Variants in EFNA4 observed in about 807,000 individuals in gnomAD.
EFNA4 encodes ephrin-A4.
In EFNA4, 22 loss-of-function variants were observed where a neutral mutation model predicts 23.7. That is an observed-to-expected ratio of 0.93 (90% CI 0.66 to 1.32). EFNA4 has a LOEUF of 1.32. Ranked by LOEUF, EFNA4 falls within the 40% of genes most tolerant of loss-of-function variation. EFNA4 has a pLI of 0.00. For synonymous variants in EFNA4, 113 were observed against 108.3 expected (o/e 1.04, Z -0.27); for missense variants, 252 against 252.3 (o/e 1.00, Z 0.01).
chr1:155,066,739 A>G lies in EFNA4; in HGVS notation c.123A>G (p.Arg41=), dbSNP rs1663054383. The part of the protein sequence containing the change: ...YWNSSNPRLL[R]GDAVVELGLN... ...TGCGTTATGCCTGCAGGTTGCTTCG[A>G]GGAGACGCCGTGGTGGAGCTGGGCC... The change falls in exon 2 of 4, where the codon CGA becomes CGG. Residue 41 remains arginine (R), a synonymous_variant. Coordinates refer to ENST00000368409, the MANE Select transcript of EFNA4 (RefSeq NM_005227.3). 6.3e-7 allele frequency: 1 copy of G among 1,595,342 alleles called. No homozygotes were observed. The highest frequency in any genetic ancestry group is 8.5e-7 in the Non-Finnish European group (1 of 1,172,108).
chr1:155,069,231 C>T lies in EFNA4; in HGVS notation c.*242C>T, dbSNP rs1663125260. ...AGCAGAGGCAAGACAAACACAGGCG[C>T]TTTGCAGGCTGCTCTGAGGGTCTCA... On this transcript the variant is annotated 3_prime_UTR_variant, in exon 4 of 4. Transcript: ENST00000368409. 6 of 1,521,202 alleles carry T rather than the reference C, an allele frequency of 3.9e-6. No homozygotes were observed. The highest frequency in any genetic ancestry group is 5.3e-6 in the Non-Finnish European group (6 of 1,141,312). The allele number at this position is 1,521,202 out of a possible 1,614,324, so 94.2% of individuals were successfully genotyped here. A position where few individuals can be genotyped will look rare whatever the true frequency, so the allele number is the denominator to read the frequency against.
chr1:155,067,295 G>C lies in EFNA4; in HGVS notation c.401-77G>C, dbSNP rs889736759. On this transcript the variant is annotated intron_variant, in intron 2 of 3. Coordinates refer to ENST00000368409, the MANE Select transcript of EFNA4 (RefSeq NM_005227.3). ...AGGGACCTGGAGAGAAGAAAACCTGGGAGGGTCTGAAACAGTCTGAGGCAT... is the reference window on the plus strand; with the variant it reads ...AGGGACCTGGAGAGAAGAAAACCTGCGAGGGTCTGAAACAGTCTGAGGCAT... The C allele has an allele frequency of 1.0e-5, 16 of 1,542,036 alleles. No individual in the cohort carries two copies. The Admixed American group carries it at 2.2e-4, about 21-fold the overall frequency.
chr1:155,064,809 G>A (rs913074943), intron 1 of EFNA4, among the ~76,000 whole-genome samples: 2 of 152,182 alleles, frequency 1.3e-5, no homozygotes, highest in South Asian at 2.1e-4. Context: ...GTGTGTGCCC[G>A]GCCCTGTGCT....
intron 3 of EFNA4, among the ~76,000 whole-genome samples, 174 bp downstream of exon 3, chr1:155,067,614 A>C (rs893258874): frequency 6.6e-6 from 1 of 151,862 alleles, no homozygotes; most frequent in Non-Finnish European, 1.5e-5. Flanking sequence ...TCCTCTCCCC[A>C]CTTCTGTTTT....
intron 3 of EFNA4, 101 bp downstream of exon 3, chr1:155,067,541 G>C: frequency 7.4e-7 from 1 of 1,354,736 alleles, no homozygotes; most frequent in Non-Finnish European, 1.0e-6. Flanking sequence ...CAGGGGTCCT[G>C]GTGAAGCTTC....
intron 1 of EFNA4, among the ~76,000 whole-genome samples, chr1:155,064,486 G>T (rs539234904): frequency 2.0e-5 from 3 of 152,276 alleles, no homozygotes; most frequent in Admixed American, 6.5e-5. Flanking sequence ...GGCAAGTCTC[G>T]TGACCTTCCT....
intron 3 of EFNA4, among the ~76,000 whole-genome samples, chr1:155,068,427 A>ATTTTGTTTTT (rs1663102475): frequency 3.9e-5 from 1 of 25,372 alleles, no homozygotes; most frequent in African/African-American, 2.0e-4. Context: ...CACCCAGCTG[A>ATTTTGTTTTT]TTTTTTTTTT....
intron 2 of EFNA4, 125 bp from the exon 3 acceptor site, chr1:155,067,247 C>T: frequency 8.2e-7 from 1 of 1,226,800 alleles, no homozygotes; most frequent in Non-Finnish European, 1.2e-6. Flanking sequence ...TGGGTGTGGC[C>T]CCAAAGTAAG....
intron 1 of EFNA4, among the ~76,000 whole-genome samples, chr1:155,066,339 G>A (rs1374060519): frequency 6.6e-6 from 1 of 152,226 alleles, no homozygotes; most frequent in Admixed American, 6.5e-5. Flanking sequence ...TCTCTGCCCA[G>A]CTTCTTCACA....
chr1:155,064,042 G>A, intron 1 of EFNA4, 106 bp downstream of exon 1: 1 of 924,556 alleles, frequency 1.1e-6, no homozygotes, highest in Non-Finnish European at 1.5e-6. Flanking sequence ...GCCTGGCCGC[G>A]CGCCGGGGCT....
rs369610690 is a variant in EFNA4 at position 155,063,757 on chromosome 1, C to A, written c.-67C>A. On this transcript the variant is annotated 5_prime_UTR_variant, in exon 1 of 4. Coordinates refer to ENST00000368409, the MANE Select transcript of EFNA4 (RefSeq NM_005227.3). This position sits in a 1 kb window ranked among gnomAD's most constrained non-coding sequence, Gnocchi z 4.1. Reference sequence around the variant, plus strand: ...CGCAACTTCCCTCTTCACTTTGTACCTTTCTCTCCTCGACTGTGAAGCGGG... The same window carrying A: ...CGCAACTTCCCTCTTCACTTTGTACATTTCTCTCCTCGACTGTGAAGCGGG... The A allele has an allele frequency of 2.9e-6, 4 of 1,375,638 alleles. No homozygotes were observed. The allele number at this position is 1,375,638 out of a possible 1,614,324, so 85.2% of individuals were successfully genotyped here.
At chr1:155,067,183 A>T (rs1243816287) in intron 2 of EFNA4, among the ~76,000 whole-genome samples, 167 bp downstream of exon 2, 1 of 152,090 alleles carries the variant, frequency 6.6e-6, no homozygotes, top group African/African-American at 2.4e-5. Flanking sequence ...AGAAAGTAGG[A>T]GGAGCTAGGA....
rs1425853169 is a variant in EFNA4 at position 155,063,960 on chromosome 1, C to G, written c.113+24C>G. 6.6e-7 allele frequency: 1 copy of G among 1,522,106 alleles called. No homozygotes were observed. Among genetic ancestry groups the G allele is most frequent in the Non-Finnish European group, 8.8e-7 (1 of 1,133,174 alleles). 94.3% of individuals were successfully genotyped at this position (1,522,106 alleles called of 1,614,324 possible). A position where few individuals can be genotyped will look rare whatever the true frequency, so the allele number is the denominator to read the frequency against. ...AGGTAGCCGGGCCGAACCGGGCGAGCGCACAGCCAAGTCTGCGCGCTCCCG... is the reference window on the plus strand; with the variant it reads ...AGGTAGCCGGGCCGAACCGGGCGAGGGCACAGCCAAGTCTGCGCGCTCCCG... On this transcript the variant is annotated intron_variant, in intron 1 of 3. Transcript: ENST00000368409. The surrounding 1 kb of genome is among the most constrained non-coding windows in gnomAD (Gnocchi z 4.1).
chr1:155,065,526 CTTTT>C (rs71586050), intron 1 of EFNA4, among the ~76,000 whole-genome samples: 1 of 131,594 alleles, frequency 7.6e-6, no homozygotes, highest in African/African-American at 2.8e-5. Context: ...CTCCCTCATT[CTTTT>C]TTTTTTTTTT....
intron 1 of EFNA4, among the ~76,000 whole-genome samples, chr1:155,065,827 G>A (rs1663025238): frequency 6.6e-6 from 1 of 151,780 alleles, no homozygotes; most frequent in African/African-American, 2.4e-5. Flanking sequence ...CCGCCTCCCG[G>A]GTTCACGCCA....
intron 3 of EFNA4, among the ~76,000 whole-genome samples, chr1:155,067,684 C>G (rs1169241500): frequency 6.6e-6 from 1 of 152,012 alleles, no homozygotes; most frequent in African/African-American, 2.4e-5. Context: ...TGCAGTGGCT[C>G]GATCTCAGCT....
chr1:155,066,898 C>A lies in EFNA4; in HGVS notation c.282C>A (p.Tyr94Ter). 6.2e-7 allele frequency: 1 copy of A among 1,614,178 alleles called. No homozygotes were observed. The highest frequency in any genetic ancestry group is 8.5e-7 in the Non-Finnish European group (1 of 1,180,042). ...GCCAGGCAGAGGGCCCCCGGGCCTA[C>A]AAGCGCTGGGTGTGCTCCCTGCCCT... ...ESCQAEGPRA[Y>*]KRWVCSLPFG... Residue 94 changes from tyrosine (Y) to a stop codon, truncating the protein, a stop_gained, in exon 2 of 4, where the codon TAC becomes TAA. Transcript: ENST00000368409. LOFTEE classifies it high-confidence loss of function.
In EFNA4 at chr1:155,063,986, G is replaced by T; in HGVS notation, c.113+50G>T. 7.0e-7 allele frequency: 1 copy of T among 1,436,132 alleles called. No individual in the cohort carries two copies. The allele number at this position is 1,436,132 out of a possible 1,614,324, so 89.0% of individuals were successfully genotyped here. A position where few individuals can be genotyped will look rare whatever the true frequency, so the allele number is the denominator to read the frequency against. Reference sequence around the variant, plus strand: ...GCACAGCCAAGTCTGCGCGCTCCCGGGCTTTGCGCGCGCCCGCCACCCGCT... The same window carrying T: ...GCACAGCCAAGTCTGCGCGCTCCCGTGCTTTGCGCGCGCCCGCCACCCGCT... On this transcript the variant is annotated intron_variant, in intron 1 of 3. Coordinates refer to ENST00000368409, the MANE Select transcript of EFNA4 (RefSeq NM_005227.3). The surrounding 1 kb of genome is among the most constrained non-coding windows in gnomAD (Gnocchi z 4.1).
chr1:155,069,353 C>A lies in EFNA4; in HGVS notation c.*364C>A. 1 of 665,898 alleles carries A rather than the reference C, an allele frequency of 1.5e-6. No individual in the cohort carries two copies. The highest frequency in any genetic ancestry group is 2.4e-6 in the Non-Finnish European group (1 of 421,176). The allele number at this position is 665,898 out of a possible 1,614,324, so 41.2% of individuals were successfully genotyped here. On this transcript the variant is annotated 3_prime_UTR_variant, in exon 4 of 4. Transcript: ENST00000368409. Reference sequence around the variant, plus strand: ...CCTGGGGACAGGTCGATTGCTGGACCAGGGCAAAGAAGAAGCCCTGCCATC... The same window carrying A: ...CCTGGGGACAGGTCGATTGCTGGACAAGGGCAAAGAAGAAGCCCTGCCATC...
Sources: gnomAD v4.1 joint callset for allele counts (sites outside exome capture counted in the v4.1 genomes callset) on GRCh38, gnomAD v4.1.1 for gene constraint, Gnocchi (gnomAD v3.1) non-coding constraint, MANE v1.5 for transcripts, NCBI Gene and HGNC (gene_info 2026-07-23, HGNC 2026-07-21) for gene names.